The following VILL variants were observed in gnomAD, a reference collection of about 807,000 sequenced individuals.
VILL encodes villin like, also known as villin-like protein.
A neutral mutation model predicts 106.3 loss-of-function variants in VILL; 102 were observed. That is an observed-to-expected ratio of 0.96 (90% CI 0.82 to 1.13). The LOEUF is 1.13. Among genes scored for constraint, VILL ranks in the 50% most tolerant of loss-of-function variants. VILL has a pLI of 0.00. For missense variants in VILL, 1,076 were observed against 1,116.6 expected, an observed-to-expected ratio of 0.96 and a Z score of 0.52; for synonymous variants, 431 against 440.3, an observed-to-expected ratio of 0.98 and a Z score of 0.27.
intron 15 of VILL, 103 bp from the exon 16 acceptor site, chr3:38,004,152 C>T: frequency 6.8e-7 from 1 of 1,478,312 alleles, no homozygotes; most frequent in South Asian, 1.3e-5. Context: ...CCAGGGCTCC[C>T]ACTCCTGAGA....
intron 5 of VILL, among the ~76,000 whole-genome samples, chr3:37,996,440 G>T (rs544549280): frequency 3.9e-5 from 6 of 152,240 alleles, no homozygotes; most frequent in Non-Finnish European, 7.4e-5. Context: ...GAAAATACTG[G>T]TTTTGTTAGA....
chr3:38,005,560 AG>A (rs1379650056), intron 16 of VILL, among the ~76,000 whole-genome samples: 1 of 151,640 alleles, frequency 6.6e-6, no homozygotes, highest in Non-Finnish European at 1.5e-5. Flanking sequence ...AAATCATGCA[AG>A]AAAAAAAAAA....
At position 37,998,357 on chromosome 3, in the gene VILL, G is replaced by C; in HGVS notation, c.935G>C (p.Arg312Pro). 2 of 1,614,120 alleles carry C rather than the reference G, an allele frequency of 1.2e-6. No homozygotes were observed. The highest frequency in any genetic ancestry group is 1.7e-6 in the Non-Finnish European group (2 of 1,179,990). Reference protein sequence around the residue: ...SLQERKAAFSRAVGFIQAKGY... With the variant: ...SLQERKAAFSPAVGFIQAKGY... ...CAGGAGAGAAAGGCTGCCTTCAGCC[G>C]GGCTGTGGTGAGCCCTGGGGCTCTG... The change falls in exon 9 of 20, where the codon CGG becomes CCG. Residue 312 changes from arginine to proline, a missense_variant. Physicochemically the swap from Arg to Pro is moderately radical, Grantham distance 103. Transcript: ENST00000383759. The surrounding 1 kb of genome is among the most constrained non-coding windows in gnomAD (Gnocchi z 4.1).
At position 38,001,592 on chromosome 3, in the gene VILL, A is replaced by G; in HGVS notation, c.1319A>G (p.Gln440Arg). 1 of 1,614,064 alleles carries G rather than the reference A, an allele frequency of 6.2e-7. No homozygotes were observed. The highest frequency in any genetic ancestry group is 8.5e-7 in the Non-Finnish European group (1 of 1,179,972). ...GTCCAGTACATCCTGTACCTATGGC[A>G]GGTGTGCCAGCCTGAGGGAGGCAGC... ...GRVQYILYLW[Q>R]GHQATADEIE... is the part of the protein sequence containing the mutation. Residue 440 changes from glutamine to arginine, a missense_variant and splice_region_variant, in exon 12 of 20, where the codon CAG becomes CGG. By Grantham distance (43) the Gln-to-Arg change is conservative. Coordinates refer to ENST00000383759, the MANE Select transcript of VILL (RefSeq NM_015873.4).
intron 5 of VILL, among the ~76,000 whole-genome samples, chr3:37,996,753 A>G (rs1699708271): frequency 6.6e-6 from 1 of 152,188 alleles, no homozygotes. Flanking sequence ...ATCCATAGGT[A>G]TTCACTGTCA....
chr3:37,990,452 C>T (rs186396940), upstream of VILL, among the ~76,000 whole-genome samples: 6 of 152,278 alleles, frequency 3.9e-5, no homozygotes, highest in African/African-American at 1.2e-4. The surrounding 1 kb of genome is among the most constrained non-coding windows in gnomAD (Gnocchi z 5.1). Flanking sequence ...CCCACCACTC[C>T]GGGTGAGGGA....
In VILL at chr3:37,997,087, C is replaced by G; in HGVS notation, c.461C>G (p.Ser154Cys). ...KHVSATEVEL[S>C]WNSFNKGDIF... ...CCCTGGCTCTGGCAGGTGGAGCTCT[C>G]CTGGAACAGCTTTAATAAGGGTGAC... The change falls in exon 6 of 20, where the codon TCC (serine) becomes TGC (cysteine). Residue 154 changes from serine (S) to cysteine (C), a missense_variant. Coordinates refer to ENST00000383759, the MANE Select transcript of VILL (RefSeq NM_015873.4). This position sits in a 1 kb window ranked among gnomAD's most constrained non-coding sequence, Gnocchi z 4.7. The G allele has an allele frequency of 6.2e-7, 1 of 1,613,990 alleles. No individual in the cohort carries two copies. Among genetic ancestry groups the G allele is most frequent in the Non-Finnish European group, 8.5e-7 (1 of 1,179,958 alleles).
chr3:38,006,992 G>A lies in VILL; in HGVS notation c.2508G>A (p.Glu836=), dbSNP rs758089597. The A allele has an allele frequency of 1.2e-6, 2 of 1,614,126 alleles. No individual in the cohort carries two copies. The highest frequency in any genetic ancestry group is 1.3e-5 in the African/African-American group (1 of 75,038). Residue 836 remains glutamate, a synonymous_variant, in exon 20 of 20, where the codon GAG becomes GAA. Transcript: ENST00000383759. ...DFQDIFGKSK[E]EFYSMATWRQ... The stretch of plus-strand genomic sequence containing the variant: ...AAGATATCTTTGGGAAATCCAAGGA[G>A]GAATTCTACAGCATGGCCACGTGGA...
chr3:37,995,632 G>A (rs1699686974), intron 4 of VILL, 107 bp from the exon 5 acceptor site: 2 of 860,036 alleles, frequency 2.3e-6, no homozygotes, highest in Admixed American at 2.0e-5. Flanking sequence ...CATGTATGAA[G>A]CAGGCACATA....
Position 37,997,843 on chromosome 3 carries a change from C to T in VILL, c.764+158C>T, listed in dbSNP as rs1699733914. 6.6e-6 allele frequency among the ~76,000 whole-genome samples: 1 copy of T among 152,214 alleles called. No individual in the cohort carries two copies. Among genetic ancestry groups the T allele is most frequent in the Non-Finnish European group, 1.5e-5 (1 of 68,030 alleles). On this transcript the variant is annotated intron_variant, in intron 7 of 19. Transcript: ENST00000383759. This position sits in a 1 kb window ranked among gnomAD's most constrained non-coding sequence, Gnocchi z 4.7. ...ACCGTGGGTCCAGCCTGTACTCTTC[C>T]ATGGCATGTGGCTGCCTTGCTGAGA...
At chr3:37,989,369 G>A (rs1412965553), upstream of VILL, among the ~76,000 whole-genome samples, 1 of 152,192 alleles carries the variant, frequency 6.6e-6, no homozygotes, top group Non-Finnish European at 1.5e-5. Context: ...GCGTTTCCAT[G>A]CTATTTGCAG....
At chr3:37,988,680 T>C (rs1485005956), upstream of VILL, among the ~76,000 whole-genome samples, 6 of 152,120 alleles carry the variant, frequency 3.9e-5, no homozygotes, top group Non-Finnish European at 1.5e-5. Context: ...CTGACCAACA[T>C]AGTGAAACCC....
chr3:37,995,689 T>G (rs574137893), intron 4 of VILL, 50 bp from the exon 5 acceptor site: 1 of 1,474,194 alleles, frequency 6.8e-7, no homozygotes, highest in Non-Finnish European at 9.5e-7. Context: ...TGGCAGTCTG[T>G]GTTCTTATAT....
chr3:38,006,029 G>A, intron 17 of VILL, 55 bp downstream of exon 17: 1 of 1,591,818 alleles, frequency 6.3e-7, no homozygotes, highest in Non-Finnish European at 8.6e-7. Flanking sequence ...AGAGGAACCT[G>A]ACCTGGGCCA....
Position 37,994,317 on chromosome 3 carries a change from C to T in VILL, c.192C>T (p.Val64=). ...CGTCCAGCGACCTGCACTACTGGGTCGGGAAGCAGGCGGGTGCGGAAGCGC... is the reference window on the plus strand; with the variant it reads ...CGTCCAGCGACCTGCACTACTGGGTTGGGAAGCAGGCGGGTGCGGAAGCGC... ...QGASSDLHYW[V]GKQAGAEAQG... Residue 64 remains valine, a synonymous_variant, in exon 4 of 20, where the codon GTC becomes GTT. Transcript: ENST00000383759. The T allele has an allele frequency of 6.2e-7, 1 of 1,611,978 alleles. No individual in the cohort carries two copies. Among genetic ancestry groups the T allele is most frequent in the Non-Finnish European group, 8.5e-7 (1 of 1,179,840 alleles).
Position 37,997,370 on chromosome 3 carries a change from G to A in VILL, c.562-113G>A. The A allele has an allele frequency of 7.9e-7, 1 of 1,265,944 alleles. No homozygotes were observed. Among genetic ancestry groups the A allele is most frequent in the Non-Finnish European group, 1.1e-6 (1 of 899,306 alleles). The allele number at this position is 1,265,944 out of a possible 1,614,324, so 78.4% of individuals were successfully genotyped here. ...GTGTCCCCCTGGATGCCAGGATGAG[G>A]GGACATCAGCCCTTCTCCCCATCAG... On this transcript the variant is annotated intron_variant, in intron 6 of 19. Transcript: ENST00000383759. The surrounding 1 kb of genome is among the most constrained non-coding windows in gnomAD (Gnocchi z 4.7).
chr3:37,997,768 T>C lies in VILL; in HGVS notation c.764+83T>C, dbSNP rs1051615368. On this transcript the variant is annotated intron_variant, in intron 7 of 19. Transcript: ENST00000383759. This position sits in a 1 kb window ranked among gnomAD's most constrained non-coding sequence, Gnocchi z 4.7. ...CACTACTGCAATAACACGGCATCTC[T>C]AGAAGGCCCTCCAGCAAAGGCTGCT... 3 of 1,420,880 alleles carry C rather than the reference T, an allele frequency of 2.1e-6. No individual in the cohort carries two copies. Among genetic ancestry groups the C allele is most frequent in the African/African-American group, 2.8e-5 (2 of 71,012 alleles). The allele number at this position is 1,420,880 out of a possible 1,614,324, so 88.0% of individuals were successfully genotyped here.
At position 37,998,102 on chromosome 3, in the gene VILL, G is replaced by C. The variant is rs770897377; in HGVS notation, c.777G>C (p.Lys259Asn). The C allele has an allele frequency of 9.9e-6, 16 of 1,611,472 alleles. No individual in the cohort carries two copies. The highest frequency in any genetic ancestry group is 1.6e-4 in the Middle Eastern group (1 of 6,062). The stretch of plus-strand genomic sequence containing the variant: ...CCTGTCCCCCCAGTGTCTATGAGAA[G>C]GGCAAAGACCTGGTGGTCCTGGAGT... Reference protein sequence around the residue: ...ANVRLYHVYEKGKDLVVLELA... With the variant: ...ANVRLYHVYENGKDLVVLELA... Residue 259 changes from lysine (K) to asparagine (N), a missense_variant, in exon 8 of 20, where the codon AAG becomes AAC. Coordinates refer to ENST00000383759, the MANE Select transcript of VILL (RefSeq NM_015873.4). This position sits in a 1 kb window ranked among gnomAD's most constrained non-coding sequence, Gnocchi z 4.1.
chr3:37,999,300 G>T (rs527791817), intron 10 of VILL, 39 bp from the exon 11 acceptor site: 64 of 1,360,064 alleles, frequency 4.7e-5, no homozygotes, highest in Non-Finnish European at 5.7e-5. Context: ...GTTGGGGGGG[G>T]GCAGAGGGCG....
Sources: gnomAD v4.1 joint callset for allele counts (sites outside exome capture counted in the v4.1 genomes callset) on GRCh38, gnomAD v4.1.1 for gene constraint, Gnocchi (gnomAD v3.1) non-coding constraint, MANE v1.5 for transcripts, NCBI Gene and HGNC (gene_info 2026-07-23, HGNC 2026-07-21) for gene names.